Variants in CMTM7 observed in about 807,000 individuals in gnomAD.
The protein encoded by CMTM7 is CKLF like MARVEL transmembrane domain containing 7.
CMTM7 carries 7 observed loss-of-function variants against 19.3 expected under a neutral mutation model. That is an observed-to-expected ratio of 0.36 (90% CI 0.21 to 0.68). The LOEUF is 0.68. CMTM7 is among the 30% of genes least tolerant of loss of function. The probability of loss-of-function intolerance (pLI) is 0.60; values close to 1 mark genes in which losing one functional copy is unlikely to be tolerated. For synonymous variants in CMTM7, 87 were observed against 99.3 expected (o/e 0.88, Z 0.74); for missense variants, 193 against 232.6 (o/e 0.83, Z 1.11).
chr3:32,413,630 C>T (rs1439727421), intron 1 of CMTM7, among the ~76,000 whole-genome samples: 4 of 152,152 alleles, frequency 2.6e-5, no homozygotes, highest in Admixed American at 6.5e-5. Flanking sequence ...TAACAAATAA[C>T]TCTCAAATGT....
chr3:32,408,968 C>T (rs938483603), intron 1 of CMTM7, among the ~76,000 whole-genome samples: 2 of 151,940 alleles, frequency 1.3e-5, no homozygotes, highest in Non-Finnish European at 2.9e-5. Context: ...CTGCAACTTC[C>T]ACCTCCCGGG....
At chr3:32,440,987 G>A (rs1321503812) in intron 1 of CMTM7, among the ~76,000 whole-genome samples, 3 of 152,186 alleles carry the variant, frequency 2.0e-5, no homozygotes, top group African/African-American at 4.8e-5. Flanking sequence ...GTAGCAGGCC[G>A]TTAAGCATGT....
intron 4 of CMTM7, among the ~76,000 whole-genome samples, chr3:32,453,139 T>C (rs1233896248): frequency 6.6e-6 from 1 of 151,890 alleles, no homozygotes; most frequent in Admixed American, 6.6e-5. Flanking sequence ...ATAAAAAATA[T>C]GTTTAATAGA....
chr3:32,440,271 G>A (rs760425813), intron 1 of CMTM7, among the ~76,000 whole-genome samples: 10 of 151,860 alleles, frequency 6.6e-5, no homozygotes, highest in African/African-American at 7.3e-5. Flanking sequence ...GCTGGGCATG[G>A]TGGTGCATAC....
At chr3:32,392,141 C>G (rs1695844950) in intron 1 of CMTM7, 76 bp downstream of exon 1, 2 of 1,123,990 alleles carry the variant, frequency 1.8e-6, no homozygotes, top group Non-Finnish European at 2.2e-6. Context: ...GCGGACGCGC[C>G]GGGCGTCTGG....
intron 1 of CMTM7, among the ~76,000 whole-genome samples, chr3:32,434,753 A>G (rs746213050): frequency 6.6e-6 from 1 of 152,174 alleles, no homozygotes; most frequent in African/African-American, 2.4e-5. Flanking sequence ...TGAGAGATGG[A>G]GAGAATATAT....
At chr3:32,448,930 T>A (rs1696790690) in intron 2 of CMTM7, among the ~76,000 whole-genome samples, 1 of 152,162 alleles carries the variant, frequency 6.6e-6, no homozygotes, top group Non-Finnish European at 1.5e-5. Context: ...AAGTCCACAC[T>A]TGGGGCCATT....
chr3:32,443,160 G>A (rs1024521445), intron 2 of CMTM7, among the ~76,000 whole-genome samples: 4 of 152,084 alleles, frequency 2.6e-5, no homozygotes, highest in African/African-American at 4.8e-5. Flanking sequence ...GTGCAGTGAC[G>A]TGATCGCGAC....
chr3:32,393,668 T>C (rs370098890), intron 1 of CMTM7, among the ~76,000 whole-genome samples: 11 of 151,574 alleles, frequency 7.3e-5, no homozygotes, highest in East Asian at 5.8e-4. Flanking sequence ...CATGGGCCTC[T>C]AGTCCCAGTT....
intron 1 of CMTM7, among the ~76,000 whole-genome samples, chr3:32,426,500 T>C (rs143583256): frequency 2.6e-4 from 39 of 152,338 alleles, no homozygotes; most frequent in African/African-American, 8.2e-4. Flanking sequence ...AGAGTCACAG[T>C]TGACATTTTG....
At chr3:32,439,233 G>A (rs1050053280) in intron 1 of CMTM7, among the ~76,000 whole-genome samples, 2 of 152,182 alleles carry the variant, frequency 1.3e-5, no homozygotes, top group Non-Finnish European at 2.9e-5. Context: ...ATACACAAAT[G>A]TTGAGGGACT....
intron 3 of CMTM7, chr3:32,451,476 C>G (rs1696830461): frequency 6.6e-6 from 1 of 152,584 alleles, no homozygotes; most frequent in African/African-American, 2.4e-5. Context: ...GCCTGTACCT[C>G]TGTTTCTTTA....
intron 1 of CMTM7, among the ~76,000 whole-genome samples, chr3:32,406,256 C>T (rs150320847): frequency 6.6e-6 from 1 of 152,226 alleles, no homozygotes; most frequent in Non-Finnish European, 1.5e-5. Context: ...CCCCTACTGA[C>T]AGCCGTTTAG....
intron 2 of CMTM7, among the ~76,000 whole-genome samples, chr3:32,447,385 A>G (rs1428392171): frequency 5.3e-5 from 8 of 152,186 alleles, no homozygotes; most frequent in Admixed American, 5.2e-4. Context: ...TATACATTGT[A>G]TATTTGTATA....
intron 1 of CMTM7, among the ~76,000 whole-genome samples, chr3:32,430,765 G>C (rs1414216097): frequency 6.8e-6 from 1 of 147,810 alleles, no homozygotes; most frequent in African/African-American, 2.5e-5. Context: ...GCCCCTACTT[G>C]TTTCAGGATG....
At chr3:32,396,501 C>T (rs188923328) in intron 1 of CMTM7, among the ~76,000 whole-genome samples, 3 of 151,670 alleles carry the variant, frequency 2.0e-5, no homozygotes, top group East Asian at 1.9e-4. Context: ...AGCGAGACTC[C>T]GTCACAAAAA....
At chr3:32,439,767 A>G (rs1696648520) in intron 1 of CMTM7, among the ~76,000 whole-genome samples, 1 of 152,124 alleles carries the variant, frequency 6.6e-6, no homozygotes, top group South Asian at 2.1e-4. Flanking sequence ...ACCAGGCCCC[A>G]TTTTGTGATT....
intron 1 of CMTM7, among the ~76,000 whole-genome samples, chr3:32,403,999 A>T (rs1559401225): frequency 1.3e-5 from 2 of 152,184 alleles, no homozygotes; most frequent in African/African-American, 4.8e-5. Context: ...ACATTACCCA[A>T]CGTTATTATT....
At chr3:32,429,640 G>T (rs1209672262) in intron 1 of CMTM7, among the ~76,000 whole-genome samples, 1 of 140,834 alleles carries the variant, frequency 7.1e-6, no homozygotes, top group Non-Finnish European at 1.5e-5. Context: ...TCACTCTGTC[G>T]CCCAGGCTGG....
Sources: gnomAD v4.1 joint callset for allele counts (sites outside exome capture counted in the v4.1 genomes callset) on GRCh38, gnomAD v4.1.1 for gene constraint, MANE v1.5 for transcripts, NCBI Gene and HGNC (gene_info 2026-07-23, HGNC 2026-07-21) for gene names.